Variants in EYA1 observed in about 807,000 individuals in gnomAD.
EYA1 encodes the protein EYA transcriptional coactivator and phosphatase 1.
Under a neutral mutation model 82.0 loss-of-function variants are expected in EYA1, and 16 were observed. The observed-to-expected ratio is 0.20, with a 90% CI of 0.13 to 0.30. The LOEUF is 0.30. Ranked by LOEUF, EYA1 falls within the 10% of genes least tolerant of loss-of-function variation. EYA1 has a pLI of 1.00. For synonymous variants in EYA1, 261 were observed against 264.4 expected (o/e 0.99, Z 0.12); for missense variants, 633 against 730.7 (o/e 0.87, Z 1.54).
intron 2 of EYA1, among the ~76,000 whole-genome samples, chr8:71,435,230 C>T: frequency 6.6e-6 from 1 of 151,984 alleles, no homozygotes; most frequent in Non-Finnish European, 1.5e-5. Flanking sequence ...GACAGCTGCC[C>T]CGTGGAATCT....
intron 2 of EYA1, among the ~76,000 whole-genome samples, chr8:71,523,496 T>C (rs1813599250): frequency 6.6e-6 from 1 of 152,148 alleles, no homozygotes; most frequent in Non-Finnish European, 1.5e-5. Context: ...ATTCAGCTCT[T>C]ATTGGCAGTG....
At chr8:71,343,370 A>G (rs1487920906) in intron 3 of EYA1, among the ~76,000 whole-genome samples, 2 of 152,200 alleles carry the variant, frequency 1.3e-5, no homozygotes, top group Non-Finnish European at 2.9e-5. Flanking sequence ...CCGATGTGTC[A>G]GTATTGAAAG....
chr8:71,386,543 G>T (rs1828977120), intron 2 of EYA1, among the ~76,000 whole-genome samples: 2 of 150,276 alleles, frequency 1.3e-5, no homozygotes, highest in South Asian at 4.1e-4. Context: ...AGCACTTGTG[G>T]GCCATGAGTT....
chr8:71,348,262 C>T (rs1825955421), intron 3 of EYA1, among the ~76,000 whole-genome samples: 1 of 152,106 alleles, frequency 6.6e-6, no homozygotes, highest in Non-Finnish European at 1.5e-5. Context: ...ACCAAGGCAT[C>T]CTTGGATATC....
At chr8:71,440,065 T>C (rs1806301498) in intron 2 of EYA1, among the ~76,000 whole-genome samples, 1 of 152,138 alleles carries the variant, frequency 6.6e-6, no homozygotes, top group South Asian at 2.1e-4. Flanking sequence ...GACTTTGACG[T>C]GCTAGTGGAC....
chr8:71,389,826 C>T (rs1445462361), intron 2 of EYA1, among the ~76,000 whole-genome samples: 1 of 152,192 alleles, frequency 6.6e-6, no homozygotes, highest in African/African-American at 2.4e-5. Flanking sequence ...GTTCAACTGG[C>T]AACTTCAAAG....
intron 4 of EYA1, among the ~76,000 whole-genome samples, chr8:71,328,190 A>C (rs1274529095): frequency 6.6e-6 from 1 of 152,120 alleles, no homozygotes; most frequent in Non-Finnish European, 1.5e-5. Flanking sequence ...TGTGGAGAAG[A>C]AAGTAGGAGT....
At position 71,452,392 on chromosome 8, in the gene EYA1, G is replaced by A. The variant is rs538866494; in HGVS notation, c.33+83352C>T. On this transcript the variant is annotated intron_variant, in intron 2 of 18. Transcript: ENST00000643681. ...AGCAGAAACCTCTGCAGACTTAAAT[G>A]TCCCTGTCTAATAGCTTTGAAGAGA... 5.3e-5 allele frequency among the ~76,000 whole-genome samples: 8 copies of A among 152,316 alleles called. No individual in the cohort carries two copies. The East Asian group carries it at 1.4e-3, about 26-fold the overall frequency.
chr8:71,437,524 A>G (rs1236991340), intron 2 of EYA1, among the ~76,000 whole-genome samples: 1 of 152,042 alleles, frequency 6.6e-6, no homozygotes, highest in African/African-American at 2.4e-5. Context: ...TGACATGTAC[A>G]CAGCTTAATA....
intron 2 of EYA1, among the ~76,000 whole-genome samples, chr8:71,458,845 A>T (rs2129187382): frequency 6.6e-6 from 1 of 152,288 alleles, no homozygotes; most frequent in Non-Finnish European, 1.5e-5. Context: ...TGGATTCTGC[A>T]TATACAGCTC....
intron 2 of EYA1, among the ~76,000 whole-genome samples, chr8:71,386,524 A>G (rs561520063): frequency 1.3e-5 from 2 of 152,304 alleles, no homozygotes; most frequent in South Asian, 2.1e-4. Flanking sequence ...AACATTGTCT[A>G]GAGTGAACAG....
intron 2 of EYA1, among the ~76,000 whole-genome samples, chr8:71,488,728 C>T (rs944249072): frequency 1.3e-5 from 2 of 152,152 alleles, no homozygotes; most frequent in African/African-American, 4.8e-5. Flanking sequence ...GTGTATGTTA[C>T]ACCTTAATTT....
At chr8:71,349,656 T>C (rs1390151196) in intron 3 of EYA1, among the ~76,000 whole-genome samples, 1 of 152,240 alleles carries the variant, frequency 6.6e-6, no homozygotes, top group Non-Finnish European at 1.5e-5. Context: ...CTGCAAATTC[T>C]ATGTTACGTC....
At position 71,479,610 on chromosome 8, in the gene EYA1, A is replaced by G. The variant is rs1254885224; in HGVS notation, c.33+56134T>C. Reference sequence around the variant, plus strand: ...CAGAAACAGTAAAAATACCTTTAGAACACTTTCTTTATGAAAAAAAAAAAA... The same window carrying G: ...CAGAAACAGTAAAAATACCTTTAGAGCACTTTCTTTATGAAAAAAAAAAAA... On this transcript the variant is annotated intron_variant, in intron 2 of 18. Coordinates refer to the EYA1 transcript ENST00000643681. Among the ~76,000 whole-genome samples the G allele has an allele frequency of 1.1e-4, 16 of 139,162 alleles. 1 individual carries two copies. The highest frequency in any genetic ancestry group is 1.1e-3 in the Admixed American group (14 of 13,146). The allele number at this position is 139,162 out of a possible 152,430, so 91.3% of individuals were successfully genotyped here. A position where few individuals can be genotyped will look rare whatever the true frequency, so the allele number is the denominator to read the frequency against.
chr8:71,236,405 C>T (rs899069319), intron 12 of EYA1, among the ~76,000 whole-genome samples: 1 of 152,158 alleles, frequency 6.6e-6, no homozygotes, highest in Admixed American at 6.5e-5. Context: ...TAGATTGTAT[C>T]TTAGAGCTAA....
chr8:71,405,786 A>T (rs57907408), intron 2 of EYA1, among the ~76,000 whole-genome samples: 3,767 of 152,274 alleles, frequency 0.025, 144 homozygotes, highest in African/African-American at 0.087. Context: ...AAACAAAAAC[A>T]AAGAGCAAAA....
intron 7 of EYA1, among the ~76,000 whole-genome samples, chr8:71,310,828 C>G (rs1446897812): frequency 1.3e-5 from 2 of 151,878 alleles, no homozygotes; most frequent in Non-Finnish European, 2.9e-5. Flanking sequence ...ATAGACCTCT[C>G]CACTTCTAAC....
intron 10 of EYA1, 64 bp downstream of exon 10, chr8:71,271,694 T>C (rs1336804137): frequency 3.9e-5 from 62 of 1,596,206 alleles, no homozygotes; most frequent in Non-Finnish European, 1.4e-5. Context: ...GTAGCAGGTA[T>C]GTAAAACCAC....
intron 12 of EYA1, among the ~76,000 whole-genome samples, chr8:71,223,913 C>A (rs529313050): frequency 6.6e-6 from 1 of 152,300 alleles, no homozygotes; most frequent in African/African-American, 2.4e-5. Flanking sequence ...CCAAGCCTTT[C>A]ACTTGTACCA....
Sources: allele counts gnomAD v4.1 joint callset (sites outside exome capture counted in the v4.1 genomes callset), GRCh38; gene constraint gnomAD v4.1.1; transcripts MANE v1.5; gene names NCBI Gene and HGNC (gene_info 2026-07-23, HGNC 2026-07-21).